The following SCAF4 variants were observed in gnomAD, a reference collection of about 807,000 sequenced individuals.
SCAF4 encodes SR-related CTD associated factor 4, also known as SR-related and CTD-associated factor 4.
A neutral mutation model predicts 129.8 loss-of-function variants in SCAF4; 25 were observed. The observed-to-expected ratio is 0.19, with a 90% confidence interval of 0.14 to 0.27. The LOEUF is 0.27. Among genes scored for constraint, SCAF4 ranks in the 10% least tolerant of loss-of-function variants. The probability of loss-of-function intolerance (pLI) is 1.00; values close to 1 mark genes in which losing one functional copy is unlikely to be tolerated. For synonymous variants in SCAF4, 551 were observed against 497.7 expected (o/e 1.11, Z -1.43); for missense variants, 1,246 against 1,457.1 (o/e 0.86, Z 2.36).
chr21:31,717,894 TACACATATATACACACACACAC>T (rs1384413201), intron 1 of SCAF4, among the ~76,000 whole-genome samples: 1 of 107,360 alleles, frequency 9.3e-6, no homozygotes, highest in Non-Finnish European at 1.8e-5. Flanking sequence ...TACACATATA[TACACATATATACACACACACAC>T]ACACACACAC....
At chr21:31,730,085 G>A (rs1458437843) in intron 1 of SCAF4, among the ~76,000 whole-genome samples, 1 of 152,126 alleles carries the variant, frequency 6.6e-6, no homozygotes, top group Non-Finnish European at 1.5e-5. Flanking sequence ...TTTAACTATT[G>A]TTGTGCCATT....
intron 1 of SCAF4, among the ~76,000 whole-genome samples, chr21:31,726,172 A>G (rs2051199056): frequency 6.6e-6 from 1 of 151,858 alleles, no homozygotes; most frequent in Non-Finnish European, 1.5e-5. Flanking sequence ...CAGCCTCCCA[A>G]GTAGCTGGGA....
In SCAF4 at chr21:31,672,338, G is replaced by A. The variant is rs1182211085; in HGVS notation, c.2505C>T (p.Ala835=). Reference sequence around the variant, plus strand: ...CCTGAAGTCCAATTACAGGACCAGGGGCAACTCCTTGAGTGCCTAAAAGAC... The same window carrying A: ...CCTGAAGTCCAATTACAGGACCAGGAGCAACTCCTTGAGTGCCTAAAAGAC... The part of the protein sequence containing the change: ...PVSLLGTQGV[A]PGPVIGLQAP... Residue 835 remains alanine (A), a synonymous_variant, in exon 20 of 20, where the codon GCC becomes GCT. Transcript: ENST00000286835. 6.2e-7 allele frequency: 1 copy of A among 1,613,220 alleles called. No individual in the cohort carries two copies. Among genetic ancestry groups the A allele is most frequent in the Admixed American group, 1.7e-5 (1 of 59,992 alleles).
At chr21:31,686,304 T>C (rs1169535182) in intron 16 of SCAF4, among the ~76,000 whole-genome samples, 4 of 152,088 alleles carry the variant, frequency 2.6e-5, no homozygotes, top group African/African-American at 9.7e-5. Flanking sequence ...TTCACCAGTG[T>C]TTATTGGTGT....
In SCAF4 at chr21:31,694,252, T is replaced by C. The variant is rs1428787231; in HGVS notation, c.1274A>G (p.Lys425Arg). The change falls in exon 11 of 20, where the codon AAG (lysine) becomes AGG (arginine). Residue 425 changes from lysine (K) to arginine (R), a missense_variant. Around this residue, in one of 6 missense-constraint regions of SCAF4, gnomAD observed 236 missense variants for 210.0 expected, o/e 1.12. Transcript: ENST00000286835. ...EVEQPCIQEV[K>R]RHMSDNRKSR... is the part of the protein sequence containing the mutation. ...CTTTCTGTTATCAGACATATGTCGC[T>C]TAACCTCTTGAATACAAGGTTGTTC... is the stretch of plus-strand genomic sequence containing the variant. 6.2e-7 allele frequency: 1 copy of C among 1,609,490 alleles called. No individual in the cohort carries two copies. Among genetic ancestry groups the C allele is most frequent in the Non-Finnish European group, 8.5e-7 (1 of 1,176,740 alleles).
chr21:31,696,507 AGGTT>A (rs1308856998), intron 8 of SCAF4, 58 bp downstream of exon 8: 5 of 1,383,620 alleles, frequency 3.6e-6, no homozygotes, highest in Non-Finnish European at 3.9e-6. Context: ...AATGTTACTT[AGGTT>A]ATGCCTTACA....
intron 15 of SCAF4, among the ~76,000 whole-genome samples, chr21:31,689,087 C>G (rs879567212): frequency 1.3e-5 from 2 of 152,144 alleles, no homozygotes; most frequent in Non-Finnish European, 2.9e-5. Context: ...CCCAAGATTA[C>G]ACCATCTTCT....
intron 16 of SCAF4, among the ~76,000 whole-genome samples, chr21:31,686,203 C>CAA (rs761150826): frequency 2.6e-5 from 2 of 75,856 alleles, no homozygotes; most frequent in East Asian, 2.7e-4. Context: ...ACTTGGTCTT[C>CAA]AAAAAAAAAA....
At position 31,717,876 on chromosome 21, in the gene SCAF4, CACAT is replaced by C. The variant is rs1568862005; in HGVS notation, c.31-11523_31-11520del. 8.8e-3 allele frequency among the ~76,000 whole-genome samples: 851 copies of C among 96,162 alleles called. 9 individuals carry two copies. The highest frequency in any genetic ancestry group is 0.027 in the African/African-American group (563 of 20,650). The allele number at this position is 96,162 out of a possible 152,430, so 63.1% of individuals were successfully genotyped here. A position where few individuals can be genotyped will look rare whatever the true frequency, so the allele number is the denominator to read the frequency against. ...ACACACACACACACACACACATATA[CACAT>C]ATATACACATATATACACATATATA... On this transcript the variant is annotated intron_variant, in intron 1 of 19. Coordinates refer to ENST00000286835, the MANE Select transcript of SCAF4 (RefSeq NM_020706.2).
intron 19 of SCAF4, among the ~76,000 whole-genome samples, chr21:31,677,099 T>G (rs191552160): frequency 7.6e-4 from 115 of 152,280 alleles, no homozygotes; most frequent in Admixed American, 2.0e-3. Flanking sequence ...ATCATTTTTT[T>G]AAAAAGGTCT....
chr21:31,709,034 T>C (rs1037840907), intron 1 of SCAF4, among the ~76,000 whole-genome samples: 5 of 152,206 alleles, frequency 3.3e-5, no homozygotes, highest in African/African-American at 1.2e-4. Context: ...CCCTGTTTAC[T>C]GCTAAAAATC....
At chr21:31,711,480 C>G (rs1346501444) in intron 1 of SCAF4, among the ~76,000 whole-genome samples, 1 of 152,088 alleles carries the variant, frequency 6.6e-6, no homozygotes, top group African/African-American at 2.4e-5. Context: ...TCCATTTGGA[C>G]AGAAATAGTA....
At chr21:31,717,904 T>TACACATATAC (rs2050972606) in intron 1 of SCAF4, among the ~76,000 whole-genome samples, 2 of 117,946 alleles carry the variant, frequency 1.7e-5, no homozygotes, top group African/African-American at 7.1e-5. Flanking sequence ...TACACATATA[T>TACACATATAC]ACACACACAC....
chr21:31,706,270 T>C lies in SCAF4; in HGVS notation c.114+4A>G. ...TTTCTCAAATTGCTTTATTTTATCA[T>C]TACCTTAATAGCTTTAATAGCAGCT... On this transcript the variant is annotated splice_donor_region_variant and intron_variant, in intron 2 of 19. Coordinates refer to ENST00000286835, the MANE Select transcript of SCAF4 (RefSeq NM_020706.2). 1 of 1,545,734 alleles carries C rather than the reference T, an allele frequency of 6.5e-7. No individual in the cohort carries two copies.
At chr21:31,710,405 T>G (rs1478550760) in intron 1 of SCAF4, among the ~76,000 whole-genome samples, 1 of 151,952 alleles carries the variant, frequency 6.6e-6, no homozygotes, top group Non-Finnish European at 1.5e-5. Flanking sequence ...AAAAATTAAC[T>G]GGGTGTGGTG....
intron 16 of SCAF4, among the ~76,000 whole-genome samples, 174 bp downstream of exon 16, chr21:31,688,114 CAAAAAAAAAAAAAAAAAAA>C (rs61592268): frequency 4.6e-4 from 5 of 10,908 alleles, no homozygotes; most frequent in Admixed American, 2.3e-3. Flanking sequence ...GACTCTGTCT[CAAAAAAAAAAAAAAAAAAA>C]AAAAAAAAAA....
intron 16 of SCAF4, among the ~76,000 whole-genome samples, chr21:31,686,785 A>AG (rs2050136888): frequency 6.6e-6 from 1 of 152,202 alleles, no homozygotes; most frequent in African/African-American, 2.4e-5. Flanking sequence ...TGCACATGTC[A>AG]GGGATCTAGC....
At chr21:31,727,235 G>C (rs1190008276) in intron 1 of SCAF4, among the ~76,000 whole-genome samples, 1 of 151,774 alleles carries the variant, frequency 6.6e-6, no homozygotes, top group African/African-American at 2.4e-5. Flanking sequence ...CCTACCACCA[G>C]GCCCAGCTAA....
chr21:31,727,873 AAC>A (rs1299277888), intron 1 of SCAF4, among the ~76,000 whole-genome samples: 1 of 152,204 alleles, frequency 6.6e-6, no homozygotes, highest in Non-Finnish European at 1.5e-5. Flanking sequence ...TAAACTATAC[AAC>A]AGACACCATT....
Sources: gnomAD v4.1 joint callset for allele counts (sites outside exome capture counted in the v4.1 genomes callset) on GRCh38, gnomAD v4.1.1 for gene constraint, gnomAD v4.1.1 regional missense constraint, MANE v1.5 for transcripts, NCBI Gene and HGNC (gene_info 2026-07-23, HGNC 2026-07-21) for gene names.